The following OSBPL10 variants were observed in gnomAD, a reference collection of about 807,000 sequenced individuals.
The protein encoded by OSBPL10 is oxysterol binding protein like 10.
In OSBPL10, 49 loss-of-function variants were observed where a neutral mutation model predicts 81.7. The observed-to-expected ratio is 0.60, with a 90% CI of 0.48 to 0.76. The LOEUF (loss-of-function observed/expected upper bound fraction) is 0.76, where lower values mean the gene tolerates loss of function less well. Among genes scored for constraint, OSBPL10 ranks in the 30% least tolerant of loss-of-function variants. The pLI, the probability that OSBPL10 is intolerant of heterozygous loss-of-function variation, is 0.00. For missense variants in OSBPL10, 923 were observed against 987.8 expected, an observed-to-expected ratio of 0.93 and a Z score of 0.88; for synonymous variants, 419 against 383.6, an observed-to-expected ratio of 1.09 and a Z score of -1.08.
chr3:31,959,870 C>T (rs1376374827), intron 1 of OSBPL10, among the ~76,000 whole-genome samples: 2 of 152,134 alleles, frequency 1.3e-5, no homozygotes, highest in African/African-American at 4.8e-5. Flanking sequence ...CTCCCTCTCC[C>T]CTTGACTAGG....
chr3:31,674,470 G>C (rs1196679320), intron 8 of OSBPL10, among the ~76,000 whole-genome samples: 7 of 152,144 alleles, frequency 4.6e-5, no homozygotes, highest in Non-Finnish European at 8.8e-5. Context: ...TAAGATAGGA[G>C]GATCACTTGA....
chr3:31,802,968 CTTTTTTTTTTTT>C (rs376218656), intron 4 of OSBPL10, among the ~76,000 whole-genome samples: 2 of 130,024 alleles, frequency 1.5e-5, no homozygotes, highest in African/African-American at 3.0e-5. Context: ...GTATTGGGTC[CTTTTTTTTTTTT>C]TTTTTTTTTT....
chr3:31,952,873 T>C (rs1468964421), intron 1 of OSBPL10, among the ~76,000 whole-genome samples: 1 of 152,002 alleles, frequency 6.6e-6, no homozygotes, highest in African/African-American at 2.4e-5. Context: ...TCCTATATTC[T>C]GGTTCAACTG....
intron 1 of OSBPL10, among the ~76,000 whole-genome samples, chr3:31,898,157 A>G (rs1249159005): frequency 6.6e-6 from 1 of 152,162 alleles, no homozygotes; most frequent in Non-Finnish European, 1.5e-5. Flanking sequence ...TACATTGGTC[A>G]ACAGATACAA....
chr3:31,925,482 A>ATTT (rs34746076), intron 1 of OSBPL10, among the ~76,000 whole-genome samples: 1 of 147,222 alleles, frequency 6.8e-6, no homozygotes, highest in African/African-American at 2.5e-5. Context: ...CATGCAAAGC[A>ATTT]TTTTTTTTTT....
At chr3:32,030,610 C>T (rs1699458719) in intron 2 of OSBPL10, 11 of 1,318,142 alleles carry the variant, frequency 8.3e-6, no homozygotes, top group South Asian at 3.5e-5. Flanking sequence ...CAGAGAAGCA[C>T]ACTTTGTGAG....
At chr3:31,898,841 CTT>C (rs1696141741) in intron 1 of OSBPL10, among the ~76,000 whole-genome samples, 1 of 149,184 alleles carries the variant, frequency 6.7e-6, no homozygotes, top group African/African-American at 2.5e-5. Context: ...AGATGTTTAA[CTT>C]ATGGATTCTT....
chr3:31,937,541 G>A (rs534825388), intron 1 of OSBPL10, among the ~76,000 whole-genome samples: 124 of 152,186 alleles, frequency 8.1e-4, no homozygotes, highest in African/African-American at 2.8e-3. Flanking sequence ...GAACAATACA[G>A]CCACTCACCC....
upstream of OSBPL10, chr3:31,981,282 G>A: frequency 7.8e-7 from 1 of 1,289,950 alleles, no homozygotes; most frequent in South Asian, 2.5e-5. The surrounding 1 kb of genome is among the most constrained non-coding windows in gnomAD (Gnocchi z 4.5). Flanking sequence ...GCGCGTGCCT[G>A]CTCCAAATCC....
intron 1 of OSBPL10, among the ~76,000 whole-genome samples, chr3:32,050,237 T>C (rs1399845674): frequency 1.3e-5 from 2 of 152,240 alleles, no homozygotes; most frequent in African/African-American, 2.4e-5. Context: ...AAGCTCAAAA[T>C]TGACTGCTCT....
intron 2 of OSBPL10, among the ~76,000 whole-genome samples, chr3:32,035,562 CAAAAAA>C (rs35533294): frequency 6.6e-5 from 6 of 91,052 alleles, no homozygotes; most frequent in East Asian, 3.1e-4. Flanking sequence ...AACTCTGTCT[CAAAAAA>C]AAAAAAAAAA....
At chr3:31,922,991 A>G (rs1186634058) in intron 1 of OSBPL10, among the ~76,000 whole-genome samples, 1 of 152,236 alleles carries the variant, frequency 6.6e-6, no homozygotes, top group Non-Finnish European at 1.5e-5. Context: ...GTTTAAAAAA[A>G]TCACTTGGAG....
intron 2 of OSBPL10, among the ~76,000 whole-genome samples, chr3:32,025,692 AT>A (rs919192707): frequency 2.6e-5 from 4 of 151,964 alleles, no homozygotes; most frequent in African/African-American, 9.6e-5. Flanking sequence ...AAGCTTTTCT[AT>A]TTTTTCCAAG....
intron 4 of OSBPL10, among the ~76,000 whole-genome samples, chr3:31,784,381 G>GAAAAGGAAAAGGAAAGGA (rs1194332875): frequency 2.8e-4 from 40 of 144,656 alleles, no homozygotes; most frequent in African/African-American, 9.5e-4. Context: ...AAAGGAAAGG[G>GAAAAGGAAAAGGAAAGGA]AAAAGGAAAA....
rs148911243 is a variant in OSBPL10, at chr3:31,940,479, T to C, written c.281+40420A>G. ...CTGGTGGAGATGTCCTATATCTGGT[T>C]TGATGTGTTGATAATATGAATGTAT... On this transcript the variant is annotated intron_variant, in intron 1 of 11. Transcript: ENST00000396556. 3.1e-3 allele frequency among the ~76,000 whole-genome samples: 474 copies of C among 152,348 alleles called. 2 individuals carry two copies. Among genetic ancestry groups the C allele is most frequent in the African/African-American group, 0.011 (456 of 41,584 alleles).
chr3:32,028,989 C>CACACACACACACACACACA (rs1575088502), intron 2 of OSBPL10, among the ~76,000 whole-genome samples: 2 of 144,596 alleles, frequency 1.4e-5, no homozygotes, highest in African/African-American at 2.6e-5. Context: ...CACACACACA[C>CACACACACACACACACACA]CAGGAATGTT....
intron 3 of OSBPL10, among the ~76,000 whole-genome samples, chr3:31,832,910 T>C (rs1432575580): frequency 6.6e-6 from 1 of 152,206 alleles, no homozygotes; most frequent in Non-Finnish European, 1.5e-5. Flanking sequence ...TCCATCGTTT[T>C]ACAGATCACC....
intron 7 of OSBPL10, among the ~76,000 whole-genome samples, chr3:31,688,246 C>A (rs945615913): frequency 6.7e-6 from 1 of 149,510 alleles, no homozygotes; most frequent in Non-Finnish European, 1.5e-5. Context: ...GACTGACTGC[C>A]CCCATCCCTC....
At chr3:31,917,621 G>GA (rs1696796387) in intron 1 of OSBPL10, among the ~76,000 whole-genome samples, 1 of 150,004 alleles carries the variant, frequency 6.7e-6, no homozygotes, top group Admixed American at 6.7e-5. Flanking sequence ...CACAAAAAGA[G>GA]AAAAGAAACT....
Sources: allele counts gnomAD v4.1 joint callset (sites outside exome capture counted in the v4.1 genomes callset), GRCh38; gene constraint gnomAD v4.1.1; non-coding constraint Gnocchi (gnomAD v3.1); transcripts MANE v1.5; gene names NCBI Gene and HGNC (gene_info 2026-07-23, HGNC 2026-07-21).